NAV1: variants seen among roughly 807,000 people sequenced by gnomAD.
NAV1 encodes the protein pore membrane and/or filament interacting like protein 3.
NAV1 carries 18 observed loss-of-function variants against 175.2 expected under a neutral mutation model. The ratio of observed to expected loss-of-function variants is 0.10; its 90% CI spans 0.07 to 0.15. The LOEUF is 0.15. Ranked by LOEUF, NAV1 falls within the 10% of genes least tolerant of loss-of-function variation. NAV1 has a pLI of 1.00. For missense variants in NAV1, 1,731 were observed against 2,436.6 expected (o/e 0.71, Z 6.10); for synonymous variants, 897 against 978.7 (o/e 0.92, Z 1.56).
At chr1:201,766,073 T>A (rs776348792) in intron 3 of NAV1, among the ~76,000 whole-genome samples, 13 of 152,200 alleles carry the variant, frequency 8.5e-5, no homozygotes, top group Non-Finnish European at 7.3e-5. Context: ...CCAAATAAAT[T>A]TTCCTGATTG....
intron 1 of NAV1, among the ~76,000 whole-genome samples, chr1:201,575,817 A>G (rs1276281247): frequency 1.3e-5 from 2 of 152,278 alleles, no homozygotes; most frequent in East Asian, 1.9e-4. Context: ...AGGCTAGAGC[A>G]TTTATTTGCA....
chr1:201,812,588 C>T lies in NAV1; in HGVS notation c.5148C>T (p.Leu1716=), dbSNP rs770006935. 8.1e-6 allele frequency: 13 copies of T among 1,614,026 alleles called. No homozygotes were observed. The highest frequency in any genetic ancestry group is 4.4e-5 in the South Asian group (4 of 91,088). The change falls in exon 27 of 30, where the codon CTC becomes CTT. Residue 1716 remains leucine (L), a synonymous_variant. Coordinates refer to ENST00000367296, the Ensembl canonical transcript of NAV1. This position sits in a 1 kb window ranked among gnomAD's most constrained non-coding sequence, Gnocchi z 4.6. ...ACAAGGAAGAGCTGCTTCGGGTGCT[C>T]GACTGGGTACCCAAGCTGTGGTATC...
At chr1:201,815,815 T>C (rs1678994634) in intron 28 of NAV1, among the ~76,000 whole-genome samples, 1 of 152,152 alleles carries the variant, frequency 6.6e-6, no homozygotes, top group Non-Finnish European at 1.5e-5. Context: ...CTTGGCTCAC[T>C]GCAACCTCCA....
At chr1:201,741,931 C>A (rs911714723) in intron 3 of NAV1, among the ~76,000 whole-genome samples, 1 of 152,150 alleles carries the variant, frequency 6.6e-6, no homozygotes, top group Non-Finnish European at 1.5e-5. Flanking sequence ...TGTGCCAGGG[C>A]GGGTACCTGT....
chr1:201,674,591 T>C (rs1408249824), intron 1 of NAV1, among the ~76,000 whole-genome samples: 2 of 152,156 alleles, frequency 1.3e-5, no homozygotes, highest in African/African-American at 2.4e-5. Flanking sequence ...ATAGGAAGCA[T>C]GGTGCAGGCA....
intron 1 of NAV1, 50 bp downstream of exon 5, chr1:201,649,475 G>A (rs993333366): frequency 7.0e-7 from 1 of 1,424,716 alleles, no homozygotes; most frequent in African/African-American, 1.5e-5. Flanking sequence ...CTCCTAACCA[G>A]CTGCTGGGGA....
chr1:201,804,585 A>C, intron 17 of NAV1, 88 bp downstream of exon 21: 1 of 1,086,910 alleles, frequency 9.2e-7, no homozygotes, highest in Non-Finnish European at 1.3e-6. Flanking sequence ...CCCCTAAAAA[A>C]AAAAAAAAAA....
chr1:201,670,724 AGAT>A (rs1409275383), intron 1 of NAV1, among the ~76,000 whole-genome samples: 1 of 151,430 alleles, frequency 6.6e-6, no homozygotes, highest in Non-Finnish European at 1.5e-5. Flanking sequence ...ATGCTGGTAG[AGAT>A]GATGGTGATG....
At chr1:201,684,913 G>C (rs1047508715) in intron 1 of NAV1, among the ~76,000 whole-genome samples, 1 of 149,348 alleles carries the variant, frequency 6.7e-6, no homozygotes, top group African/African-American at 2.5e-5. Context: ...AGTGAGCCAC[G>C]ATCATGCTAC....
chr1:201,683,609 G>T (rs1670555051), intron 1 of NAV1, among the ~76,000 whole-genome samples: 1 of 152,178 alleles, frequency 6.6e-6, no homozygotes, highest in Non-Finnish European at 1.5e-5. Context: ...TGCGGCTAGG[G>T]TTCCTGCTGT....
chr1:201,649,878 C>A (rs1307490808), intron 1 of NAV1, among the ~76,000 whole-genome samples: 1 of 152,188 alleles, frequency 6.6e-6, no homozygotes, highest in Non-Finnish European at 1.5e-5. Flanking sequence ...GATGTGAGGG[C>A]TGATTGGCCC....
chr1:201,756,844 CT>C (rs1451089162), intron 3 of NAV1, among the ~76,000 whole-genome samples: 1 of 126,178 alleles, frequency 7.9e-6, no homozygotes, highest in East Asian at 2.1e-4. Context: ...TTCTTTCTTT[CT>C]TTCTTTCTTT....
At chr1:201,779,430 TA>T (rs35904825) in intron 3 of NAV1, among the ~76,000 whole-genome samples, 356 of 136,252 alleles carry the variant, frequency 2.6e-3, no homozygotes, top group East Asian at 8.0e-3. Flanking sequence ...TGTCTCTACT[TA>T]AAAAAAAAAA....
chr1:201,688,090 C>G (rs907733091), intron 1 of NAV1, among the ~76,000 whole-genome samples: 1 of 152,236 alleles, frequency 6.6e-6, no homozygotes, highest in Non-Finnish European at 1.5e-5. Context: ...TGGCTGTGCA[C>G]TCAGCCTTTG....
chr1:201,741,208 A>G (rs1673397983), intron 3 of NAV1, among the ~76,000 whole-genome samples: 1 of 152,202 alleles, frequency 6.6e-6, no homozygotes, highest in Non-Finnish European at 1.5e-5. Flanking sequence ...AACGAGAGGC[A>G]TCTTCTGCCT....
At chr1:201,781,413 A>T in intron 5 of NAV1, 104 bp downstream of exon 9, 1 of 1,184,156 alleles carries the variant, frequency 8.4e-7, no homozygotes, top group Non-Finnish European at 1.2e-6. Flanking sequence ...ACATTTGCAT[A>T]GTGCTTTAAC....
chr1:201,573,168 C>T (rs1666597270), intron 1 of NAV1, among the ~76,000 whole-genome samples: 1 of 152,238 alleles, frequency 6.6e-6, no homozygotes, highest in East Asian at 1.9e-4. Flanking sequence ...AGGAATTTAC[C>T]ATGTAGGCCA....
In NAV1 at chr1:201,788,590, C is replaced by T; in HGVS notation, c.3118C>T (p.Pro1040Ser). The T allele has an allele frequency of 6.2e-7, 1 of 1,614,162 alleles. No homozygotes were observed. Among genetic ancestry groups the T allele is most frequent in the Non-Finnish European group, 8.5e-7 (1 of 1,180,042 alleles). The change falls in exon 10 of 30, where the codon CCC (proline) becomes TCC (serine). Residue 1040 changes from proline to serine, a missense_variant. Pro to Ser is a moderately conservative substitution (Grantham distance 74). Transcript: ENST00000367296. This position sits in a 1 kb window ranked among gnomAD's most constrained non-coding sequence, Gnocchi z 5.7. ...GAGCACCCTGTCCCTGGCCGAGAGA[C>T]CCAAGGGAATGATTCGGTCAGGATC... is the stretch of plus-strand genomic sequence containing the variant.
chr1:201,681,286 T>A (rs1415673078), intron 1 of NAV1, among the ~76,000 whole-genome samples: 1 of 152,252 alleles, frequency 6.6e-6, no homozygotes, highest in Non-Finnish European at 1.5e-5. Context: ...TCTGTGAAAC[T>A]TGTTAATTGG....
Sources: allele counts gnomAD v4.1 joint callset (sites outside exome capture counted in the v4.1 genomes callset), GRCh38; gene constraint gnomAD v4.1.1; non-coding constraint Gnocchi (gnomAD v3.1); transcripts MANE v1.5; gene names NCBI Gene and HGNC (gene_info 2026-07-23, HGNC 2026-07-21).